WAPL: variants seen among roughly 807,000 people sequenced by gnomAD.
WAPL encodes the protein wings apart-like protein homolog.
In WAPL, 5 loss-of-function variants were observed where a neutral mutation model predicts 121.0. The ratio of observed to expected loss-of-function variants is 0.04; its 90% confidence interval spans 0.02 to 0.09. The LOEUF (loss-of-function observed/expected upper bound fraction) is 0.09. WAPL is among the 10% of genes least tolerant of loss of function. The pLI is 1.00. For missense variants in WAPL, 999 were observed against 1,410.8 expected (o/e 0.71, Z 4.68); for synonymous variants, 480 against 481.5 (o/e 1.00, Z 0.04).
In WAPL at chr10:86,453,918, G is replaced by A. The variant is rs191828519; in HGVS notation, c.2658-87C>T. The A allele has an allele frequency of 1.2e-4, 143 of 1,169,574 alleles. No individual in the cohort carries two copies. In the African/African-American group the frequency reaches 1.5e-3, roughly 13 times the overall value. The allele number at this position is 1,169,574 out of a possible 1,614,324, so 72.4% of individuals were successfully genotyped here. ...TATTTACTTGAACCTAAAGGCTATCGGATGAAATTTCACTTTATTTTGGAA... is the reference window on the plus strand; with the variant it reads ...TATTTACTTGAACCTAAAGGCTATCAGATGAAATTTCACTTTATTTTGGAA... On this transcript the variant is annotated intron_variant, in intron 12 of 18. Transcript: ENST00000298767.
At chr10:86,507,347 G>A (rs990540825) in intron 2 of WAPL, among the ~76,000 whole-genome samples, 9 of 113,178 alleles carry the variant, frequency 8.0e-5, no homozygotes, top group Admixed American at 2.5e-4. Context: ...CAGCCTGGGC[G>A]TCAGCGAGAC....
intron 8 of WAPL, 87 bp from the exon 9 acceptor site, chr10:86,467,593 GT>G: frequency 3.0e-6 from 3 of 990,246 alleles, no homozygotes; most frequent in Non-Finnish European, 4.4e-6. Flanking sequence ...AATGACTTTT[GT>G]TTACAAGTTA....
chr10:86,501,853 G>A (rs2132222478), intron 2 of WAPL, among the ~76,000 whole-genome samples: 1 of 152,200 alleles, frequency 6.6e-6, no homozygotes, highest in African/African-American at 2.4e-5. Flanking sequence ...CACCACACCT[G>A]CCTAACTCCC....
chr10:86,439,423 A>G lies in WAPL; in HGVS notation c.3412-1408T>C, dbSNP rs531951871. 1.9e-3 allele frequency among the ~76,000 whole-genome samples: 284 copies of G among 152,336 alleles called. 1 individual carries two copies. The highest frequency in any genetic ancestry group is 6.4e-3 in the African/African-American group (265 of 41,570). ...ACGCCTCTGTAATAGAGAATATATG[A>G]TTAGCTCCTATATTTTGGATGAAAG... On this transcript the variant is annotated intron_variant, in intron 17 of 18. Transcript: ENST00000298767.
At chr10:86,507,215 A>G (rs1018359501) in intron 2 of WAPL, among the ~76,000 whole-genome samples, 32 of 151,708 alleles carry the variant, frequency 2.1e-4, no homozygotes, top group Non-Finnish European at 3.2e-4. Flanking sequence ...CAAAAATACA[A>G]AAATTAGCCA....
At position 86,497,311 on chromosome 10, in the gene WAPL, C is replaced by G; in HGVS notation, c.1534G>C (p.Asp512His). ...QSGTNNAENL[D>H]FTEDLPGVPE... ...ACACCAGGCAAGTCCTCTGTAAAATCCAAGTTTTCTGAAATGGTAATCAAA... is the reference window on the plus strand; with the variant it reads ...ACACCAGGCAAGTCCTCTGTAAAATGCAAGTTTTCTGAAATGGTAATCAAA... Residue 512 changes from aspartate (D) to histidine (H), a missense_variant, in exon 4 of 19, where the codon GAT becomes CAT. Asp to His is a moderately conservative substitution (Grantham distance 81). Transcript: ENST00000298767. 1 of 1,606,248 alleles carries G rather than the reference C, an allele frequency of 6.2e-7. No individual in the cohort carries two copies. The highest frequency in any genetic ancestry group is 8.5e-7 in the Non-Finnish European group (1 of 1,178,142).
intron 4 of WAPL, among the ~76,000 whole-genome samples, chr10:86,490,277 C>T (rs1352529828): frequency 1.3e-5 from 2 of 151,930 alleles, no homozygotes; most frequent in Non-Finnish European, 2.9e-5. Flanking sequence ...TAAGCTCAGT[C>T]CCATAGCTCT....
chr10:86,520,936 C>T (rs1842663381), intron 1 of WAPL, among the ~76,000 whole-genome samples: 1 of 152,096 alleles, frequency 6.6e-6, no homozygotes. Flanking sequence ...CGGGGCGCCA[C>T]GGGCAGTGGG....
intron 1 of WAPL, among the ~76,000 whole-genome samples, chr10:86,520,480 C>A (rs976553068): frequency 8.5e-5 from 13 of 152,102 alleles, no homozygotes; most frequent in African/African-American, 3.1e-4. Flanking sequence ...CAGAGAAGTT[C>A]ATTATATAAT....
chr10:86,521,177 C>T (rs1437230235), intron 1 of WAPL, among the ~76,000 whole-genome samples, 188 bp downstream of exon 1: 1 of 152,114 alleles, frequency 6.6e-6, no homozygotes, highest in Non-Finnish European at 1.5e-5. Context: ...AGCAGTCGCC[C>T]GAAAAAGAAC....
rs982486817 is a variant in WAPL at position 86,453,241 on chromosome 10, C to A, written c.2928G>T (p.Gln976His). The change falls in exon 14 of 19, where the codon CAG becomes CAT. Residue 976 changes from glutamine (Q) to histidine (H), a missense_variant. By Grantham distance (24) the Gln-to-His change is conservative. This residue lies in a region of WAPL where 85 missense variants were observed against 133.5 expected (regional missense o/e 0.64). Transcript: ENST00000298767. ...TTACCAGCACTCGAATATCAAATCT[C>A]TGCTCCTGAGGTAGGTACTTTGGAA... is the stretch of plus-strand genomic sequence containing the variant. ...LQVPKYLPQE[Q>H]RFDIRVLGLG... The A allele has an allele frequency of 6.2e-7, 1 of 1,614,096 alleles. No individual in the cohort carries two copies. The highest frequency in any genetic ancestry group is 1.7e-5 in the Admixed American group (1 of 60,020).
At chr10:86,498,282 A>G (rs1455581424) in intron 3 of WAPL, among the ~76,000 whole-genome samples, 1 of 152,252 alleles carries the variant, frequency 6.6e-6, no homozygotes, top group Admixed American at 6.5e-5. Context: ...CATTCTACTG[A>G]GGAAACAAAT....
intron 2 of WAPL, among the ~76,000 whole-genome samples, chr10:86,502,644 C>G (rs547215622): frequency 1.7e-4 from 26 of 152,222 alleles, no homozygotes; most frequent in African/African-American, 6.0e-4. Flanking sequence ...GTATACTAGT[C>G]TATACACACA....
intron 2 of WAPL, among the ~76,000 whole-genome samples, chr10:86,505,307 T>TTTTTTTTTTTTTTTTTG (rs1842327275): frequency 7.4e-6 from 1 of 134,846 alleles, no homozygotes; most frequent in Non-Finnish European, 1.6e-5. Flanking sequence ...ACTCTTTTTT[T>TTTTTTTTTTTTTTTTTG]TTTTTTTTTT....
chr10:86,453,343 A>G lies in WAPL; in HGVS notation c.2834-8T>C, dbSNP rs558767649. 9.9e-6 allele frequency: 16 copies of G among 1,613,600 alleles called. No individual in the cohort carries two copies. The highest frequency in any genetic ancestry group is 1.4e-5 in the Non-Finnish European group (16 of 1,179,622). On this transcript the variant is annotated splice_polypyrimidine_tract_variant and splice_region_variant and intron_variant, in intron 13 of 18. Transcript: ENST00000298767. ...TTTTGGTGCTGCCCCACTCTGAAAT[A>G]AGAAATGGATACAGGAAAATGGTTA...
intron 9 of WAPL, among the ~76,000 whole-genome samples, chr10:86,461,879 T>C (rs1336198729): frequency 1.3e-5 from 2 of 152,238 alleles, no homozygotes; most frequent in African/African-American, 4.8e-5. Flanking sequence ...TGTCTTTTCT[T>C]ATTATTTGGT....
At chr10:86,490,163 A>T (rs928358814) in intron 4 of WAPL, among the ~76,000 whole-genome samples, 7 of 151,974 alleles carry the variant, frequency 4.6e-5, no homozygotes, top group African/African-American at 1.7e-4. Flanking sequence ...GCAGTGAGCC[A>T]AGATCGCGTC....
chr10:86,507,197 G>A (rs1475641112), intron 2 of WAPL, among the ~76,000 whole-genome samples: 10 of 150,890 alleles, frequency 6.6e-5, no homozygotes, highest in Admixed American at 6.6e-4. Context: ...GTGAAACCCC[G>A]TCTCTACCAA....
chr10:86,446,175 G>GT lies in WAPL; in HGVS notation c.3322+66dup. The GT allele has an allele frequency of 1.9e-6, 3 of 1,551,912 alleles. No individual in the cohort carries two copies. The East Asian group carries it at 6.7e-5, about 35-fold the overall frequency. ...TTAAGACAATCTGCAAATTAAAATAGTTTGAAGAAAAAAACAAAATCAAAC... is the reference window on the plus strand; with the variant it reads ...TTAAGACAATCTGCAAATTAAAATAGTTTTGAAGAAAAAAACAAAATCAAAC... On this transcript the variant is annotated intron_variant, in intron 16 of 18. Coordinates refer to ENST00000298767, the MANE Select transcript of WAPL (RefSeq NM_015045.5).
Sources: allele counts gnomAD v4.1 joint callset (sites outside exome capture counted in the v4.1 genomes callset), GRCh38; gene constraint gnomAD v4.1.1; regional missense constraint gnomAD v4.1.1; transcripts MANE v1.5; gene names NCBI Gene and HGNC (gene_info 2026-07-23, HGNC 2026-07-21).